Variants in KCNH7 observed in about 807,000 individuals in gnomAD.
The protein encoded by KCNH7 is potassium voltage-gated channel subfamily H member 7.
Under a neutral mutation model 120.8 loss-of-function variants are expected in KCNH7, and 49 were observed. That is an observed-to-expected ratio of 0.41 (90% CI 0.32 to 0.51). KCNH7 has a LOEUF of 0.51. Ranked by LOEUF, KCNH7 falls within the 20% of genes least tolerant of loss-of-function variation. KCNH7 has a pLI of 0.38. For missense variants in KCNH7, 1,097 were observed against 1,446.6 expected, an observed-to-expected ratio of 0.76 and a Z score of 3.92; for synonymous variants, 547 against 516.1, an observed-to-expected ratio of 1.06 and a Z score of -0.81.
intron 14 of KCNH7, 132 bp from the exon 15 acceptor site, chr2:162,373,794 GCA>G: frequency 2.1e-6 from 1 of 484,538 alleles, no homozygotes; most frequent in Middle Eastern, 5.4e-4. Context: ...AGGAGAGGGA[GCA>G]CAGAGATTCT....
At chr2:162,719,093 T>C (rs1176317006) in intron 2 of KCNH7, among the ~76,000 whole-genome samples, 1 of 152,042 alleles carries the variant, frequency 6.6e-6, no homozygotes, top group Non-Finnish European at 1.5e-5. Flanking sequence ...ACTAGCTGTA[T>C]GTTTCAGACA....
intron 6 of KCNH7, among the ~76,000 whole-genome samples, chr2:162,502,801 G>A (rs1690728933): frequency 6.6e-6 from 1 of 152,000 alleles, no homozygotes; most frequent in African/African-American, 2.4e-5. Flanking sequence ...TGGCACAGTG[G>A]ATCTGCTGAA....
chr2:162,781,774 G>T (rs1430826939), intron 2 of KCNH7, among the ~76,000 whole-genome samples: 1 of 152,012 alleles, frequency 6.6e-6, no homozygotes, highest in African/African-American at 2.4e-5. Context: ...ATGTTTCAGG[G>T]GGTCAGTTAG....
At chr2:162,724,637 A>C (rs890342767) in intron 2 of KCNH7, among the ~76,000 whole-genome samples, 2 of 146,452 alleles carry the variant, frequency 1.4e-5, no homozygotes, top group African/African-American at 2.7e-5. Flanking sequence ...GCGCCACTGC[A>C]CTCCAGCCTG....
At position 162,400,448 on chromosome 2, in the gene KCNH7, A is replaced by G. The variant is rs1687036057; in HGVS notation, c.2155-7T>C. ...CTGGGAAACCCTTTAGGACCTGAGG[A>G]AAAAAAGAAAGAGTTTCATACTACC... On this transcript the variant is annotated splice_region_variant and splice_polypyrimidine_tract_variant and intron_variant, in intron 9 of 15. Transcript: ENST00000332142. The G allele has an allele frequency of 6.2e-7, 1 of 1,610,508 alleles. No homozygotes were observed. The highest frequency in any genetic ancestry group is 8.5e-7 in the Non-Finnish European group (1 of 1,177,774).
intron 2 of KCNH7, among the ~76,000 whole-genome samples, 167 bp downstream of exon 2, chr2:162,836,370 C>T (rs1349852105): frequency 6.6e-6 from 1 of 152,108 alleles, no homozygotes; most frequent in Non-Finnish European, 1.5e-5. Context: ...ATTGTTTCTA[C>T]CAGACCACTA....
chr2:162,394,862 AGGTTCACTT>A (rs1686860411), intron 11 of KCNH7, among the ~76,000 whole-genome samples: 1 of 151,850 alleles, frequency 6.6e-6, no homozygotes, highest in Non-Finnish European at 1.5e-5. Context: ...TTAACTGTGC[AGGTTCACTT>A]ATACATGAAT....
intron 2 of KCNH7, among the ~76,000 whole-genome samples, chr2:162,639,412 G>T (rs937138849): frequency 6.6e-6 from 1 of 152,078 alleles, no homozygotes; most frequent in Non-Finnish European, 1.5e-5. Flanking sequence ...CTGAGACTTA[G>T]AGAGTTTAAG....
At chr2:162,586,464 T>G (rs1273727533) in intron 2 of KCNH7, among the ~76,000 whole-genome samples, 1 of 151,864 alleles carries the variant, frequency 6.6e-6, no homozygotes, top group Non-Finnish European at 1.5e-5. Context: ...ACAGCCCATC[T>G]CCCCTCAAAA....
At chr2:162,380,840 A>G (rs995772568) in intron 13 of KCNH7, among the ~76,000 whole-genome samples, 1 of 152,142 alleles carries the variant, frequency 6.6e-6, no homozygotes, top group African/African-American at 2.4e-5. Context: ...CCCGAACTTG[A>G]AGAATTCAGT....
At chr2:162,534,048 A>G (rs1261307502) in intron 3 of KCNH7, among the ~76,000 whole-genome samples, 1 of 151,506 alleles carries the variant, frequency 6.6e-6, no homozygotes. Context: ...CCTACTGGAA[A>G]ACTAAAAACT....
chr2:162,698,136 A>G (rs1293248390), intron 2 of KCNH7, among the ~76,000 whole-genome samples: 1 of 152,130 alleles, frequency 6.6e-6, no homozygotes, highest in Admixed American at 6.5e-5. Context: ...TGAGTCTGCT[A>G]TTCTCCTGTT....
At chr2:162,692,965 A>G (rs1406538645) in intron 2 of KCNH7, among the ~76,000 whole-genome samples, 2 of 152,206 alleles carry the variant, frequency 1.3e-5, no homozygotes, top group Non-Finnish European at 2.9e-5. Flanking sequence ...TAAAGTAAAT[A>G]AAGGAAAACT....
chr2:162,676,313 C>T (rs1185884205), intron 2 of KCNH7, among the ~76,000 whole-genome samples: 2 of 151,500 alleles, frequency 1.3e-5, no homozygotes, highest in African/African-American at 4.8e-5. Context: ...ATGAAGTAAT[C>T]TCTTGGTAAA....
At chr2:162,486,568 C>T (rs1417013071) in intron 6 of KCNH7, among the ~76,000 whole-genome samples, 1 of 152,114 alleles carries the variant, frequency 6.6e-6, no homozygotes, top group Non-Finnish European at 1.5e-5. Flanking sequence ...TTCATTAAAA[C>T]AAGGAGAAAA....
intron 2 of KCNH7, among the ~76,000 whole-genome samples, chr2:162,667,830 C>T (rs972728425): frequency 3.3e-5 from 5 of 152,124 alleles, no homozygotes; most frequent in Admixed American, 6.6e-5. Context: ...TTTATTTCCT[C>T]CCTCTAGAAT....
intron 9 of KCNH7, among the ~76,000 whole-genome samples, chr2:162,409,462 C>T (rs191904873): frequency 9.2e-5 from 14 of 151,910 alleles, no homozygotes; most frequent in South Asian, 6.2e-4. Flanking sequence ...TGATTTCTTT[C>T]TAACACTTGA....
chr2:162,489,277 A>G (rs1228747641), intron 6 of KCNH7, among the ~76,000 whole-genome samples: 1 of 152,146 alleles, frequency 6.6e-6, no homozygotes, highest in Non-Finnish European at 1.5e-5. Context: ...AGAATCAGGG[A>G]TGTCCAATAT....
At chr2:162,477,598 T>C (rs1348647893) in intron 6 of KCNH7, among the ~76,000 whole-genome samples, 1 of 152,238 alleles carries the variant, frequency 6.6e-6, no homozygotes, top group Non-Finnish European at 1.5e-5. Context: ...ATAACACTGA[T>C]ACACACAAGA....
Sources: allele counts gnomAD v4.1 joint callset (sites outside exome capture counted in the v4.1 genomes callset), GRCh38; gene constraint gnomAD v4.1.1; transcripts MANE v1.5; gene names NCBI Gene and HGNC (gene_info 2026-07-23, HGNC 2026-07-21).